Variants in RBM20 observed in about 807,000 individuals in gnomAD.
RBM20 encodes RNA binding motif protein 20.
A neutral mutation model predicts 110.1 loss-of-function variants in RBM20; 51 were observed. The ratio of observed to expected loss-of-function variants is 0.46; its 90% CI spans 0.37 to 0.59. The LOEUF (loss-of-function observed/expected upper bound fraction) is 0.59, where lower values mean the gene tolerates loss of function less well. Ranked by LOEUF, RBM20 falls within the 20% of genes least tolerant of loss-of-function variation. The pLI, the probability that RBM20 is intolerant of heterozygous loss-of-function variation, is 0.00. For synonymous variants in RBM20, 589 were observed against 618.2 expected (o/e 0.95, Z 0.70); for missense variants, 1,512 against 1,574.9 (o/e 0.96, Z 0.68).
At chr10:110,756,880 G>C (rs1178857624) in intron 1 of RBM20, among the ~76,000 whole-genome samples, 1 of 152,206 alleles carries the variant, frequency 6.6e-6, no homozygotes, top group Non-Finnish European at 1.5e-5. Context: ...TCTCAAAATT[G>C]AGTGTTCTGC....
chr10:110,793,543 G>A (rs1027396832), intron 5 of RBM20, among the ~76,000 whole-genome samples: 1 of 152,200 alleles, frequency 6.6e-6, no homozygotes, highest in African/African-American at 2.4e-5. Flanking sequence ...AGAGAGCTCC[G>A]CTGCACCACG....
chr10:110,835,850 C>T lies in RBM20; in HGVS notation c.3574-18C>T. 4 of 1,550,450 alleles carry T rather than the reference C, an allele frequency of 2.6e-6. No homozygotes were observed. Among genetic ancestry groups the T allele is most frequent in the African/African-American group, 1.4e-5 (1 of 73,132 alleles). On this transcript the variant is annotated intron_variant, in intron 13 of 13. Transcript: ENST00000369519. Reference sequence around the variant, plus strand: ...TACTAACATGCCCCTTCCTCCACTTCCCCTCTTCTTTCCACAGAAATATTT... The same window carrying T: ...TACTAACATGCCCCTTCCTCCACTTTCCCTCTTCTTTCCACAGAAATATTT...
chr10:110,653,430 A>T (rs1466405049), intron 1 of RBM20, among the ~76,000 whole-genome samples: 1 of 151,830 alleles, frequency 6.6e-6, no homozygotes, highest in Non-Finnish European at 1.5e-5. Flanking sequence ...GCATAACTAT[A>T]ATTTTGTTAT....
At chr10:110,647,743 GTT>G (rs1861888640) in intron 1 of RBM20, among the ~76,000 whole-genome samples, 1 of 152,094 alleles carries the variant, frequency 6.6e-6, no homozygotes, top group Non-Finnish European at 1.5e-5. Flanking sequence ...AAATTATTTT[GTT>G]TTAATCGTGA....
chr10:110,674,631 A>G (rs1038146309), intron 1 of RBM20, among the ~76,000 whole-genome samples: 35 of 152,258 alleles, frequency 2.3e-4, no homozygotes, highest in African/African-American at 8.2e-4. Flanking sequence ...GAATTGCATC[A>G]GGAAACCTGC....
intron 7 of RBM20, among the ~76,000 whole-genome samples, chr10:110,801,338 A>G (rs1844620605): frequency 6.6e-6 from 1 of 151,906 alleles, no homozygotes; most frequent in African/African-American, 2.4e-5. Context: ...GAGGCAGGAG[A>G]ATCGCTTTAA....
At chr10:110,832,780 A>G (rs942344149) in intron 13 of RBM20, among the ~76,000 whole-genome samples, 1 of 152,180 alleles carries the variant, frequency 6.6e-6, no homozygotes, top group African/African-American at 2.4e-5. Context: ...GGCTATGCCC[A>G]AACTCAAGTC....
At chr10:110,831,327 T>C in intron 13 of RBM20, 145 bp downstream of exon 13, 1 of 760,400 alleles carries the variant, frequency 1.3e-6, no homozygotes, top group Non-Finnish European at 2.0e-6. Flanking sequence ...TTACTTGCCA[T>C]TCCCCAAGCA....
chr10:110,717,718 C>T (rs984270655), intron 1 of RBM20, among the ~76,000 whole-genome samples: 6 of 152,228 alleles, frequency 3.9e-5, no homozygotes, highest in Admixed American at 2.6e-4. Context: ...TTTCCCATCC[C>T]TCTTCCTCTG....
chr10:110,739,895 C>A lies in RBM20; in HGVS notation c.192-40906C>A, dbSNP rs1175453217. Among the ~76,000 whole-genome samples the A allele has an allele frequency of 1.3e-5, 2 of 152,242 alleles. No individual in the cohort carries two copies. The highest frequency in any genetic ancestry group is 4.8e-5 in the African/African-American group (2 of 41,478). ...CAAGCAGTGAGGAAGCCACTCCCAG[C>A]GGCCCTGCCCGTCTGGGTCCTCCTG... On this transcript the variant is annotated intron_variant, in intron 1 of 13. Transcript: ENST00000369519. This position sits in a 1 kb window ranked among gnomAD's most constrained non-coding sequence, Gnocchi z 4.1.
intron 1 of RBM20, among the ~76,000 whole-genome samples, chr10:110,695,142 T>A (rs116611749): frequency 1.3e-5 from 2 of 152,170 alleles, no homozygotes; most frequent in African/African-American, 4.8e-5. Flanking sequence ...GGTGCTGAAA[T>A]CCTTAAGTTT....
At chr10:110,797,421 G>T in intron 5 of RBM20, 87 bp from the exon 6 acceptor site, 1 of 1,280,656 alleles carries the variant, frequency 7.8e-7, no homozygotes. Context: ...CATTGTTTAG[G>T]GGAAAGATAG....
chr10:110,698,534 G>A (rs1417012976), intron 1 of RBM20, among the ~76,000 whole-genome samples: 5 of 152,180 alleles, frequency 3.3e-5, no homozygotes, highest in Non-Finnish European at 7.4e-5. Context: ...GGCCACAGAC[G>A]TTCTGGACAG....
chr10:110,803,945 G>A (rs1298692255), intron 7 of RBM20, among the ~76,000 whole-genome samples: 1 of 151,398 alleles, frequency 6.6e-6, no homozygotes, highest in Non-Finnish European at 1.5e-5. Context: ...TTCTCTCCAC[G>A]CTGCCTTCTG....
At chr10:110,767,350 C>T (rs1215074392) in intron 1 of RBM20, among the ~76,000 whole-genome samples, 1 of 145,692 alleles carries the variant, frequency 6.9e-6, no homozygotes, top group Non-Finnish European at 1.5e-5. Context: ...GCTGACCCCC[C>T]CACCTCCCTC....
Position 110,797,600 on chromosome 10 carries a change from G to A in RBM20, c.1620G>A (p.Leu540=), listed in dbSNP as rs1015562037. 20 of 1,551,766 alleles carry A rather than the reference G, an allele frequency of 1.3e-5. No homozygotes were observed. The African/African-American group carries it at 1.6e-4, about 13-fold the overall frequency. The change falls in exon 6 of 14, where the codon CTG becomes CTA. Residue 540 remains leucine, a synonymous_variant. Transcript: ENST00000369519. ...AGAATGACGTCATTAACCTGGGGCT[G>A]CCCTTTGGAAAGGTCACTAATTACA... ...CTENDVINLG[L]PFGKVTNYIL...
intron 1 of RBM20, among the ~76,000 whole-genome samples, chr10:110,667,393 C>G (rs1474561935): frequency 6.6e-6 from 1 of 152,150 alleles, no homozygotes; most frequent in Non-Finnish European, 1.5e-5. Flanking sequence ...GCTCAGTGCT[C>G]TAAGGATGGC....
chr10:110,678,905 C>T (rs1384998891), intron 1 of RBM20, among the ~76,000 whole-genome samples: 1 of 152,108 alleles, frequency 6.6e-6, no homozygotes, highest in Non-Finnish European at 1.5e-5. Flanking sequence ...TTCATTCAGG[C>T]CTGGAGCACA....
At chr10:110,787,651 T>G (rs537084666) in intron 5 of RBM20, among the ~76,000 whole-genome samples, 2 of 152,322 alleles carry the variant, frequency 1.3e-5, no homozygotes, top group South Asian at 4.1e-4. Flanking sequence ...ATCTGATGAT[T>G]TGTGTGTTGA....
Sources: allele counts gnomAD v4.1 joint callset (sites outside exome capture counted in the v4.1 genomes callset), GRCh38; gene constraint gnomAD v4.1.1; non-coding constraint Gnocchi (gnomAD v3.1); transcripts MANE v1.5; gene names NCBI Gene and HGNC (gene_info 2026-07-23, HGNC 2026-07-21).